The following LRIG3 variants were observed in gnomAD, a reference collection of about 807,000 sequenced individuals.
The protein encoded by LRIG3 is leucine-rich repeats and immunoglobulin-like domains protein 3.
In LRIG3, 76 loss-of-function variants were observed where a neutral mutation model predicts 114.5. That is an observed-to-expected ratio of 0.66 (90% confidence interval 0.55 to 0.80). The LOEUF is 0.80. LRIG3 is among the 30% of genes least tolerant of loss of function. The probability of loss-of-function intolerance (pLI) is 0.00; values close to 1 mark genes in which losing one functional copy is unlikely to be tolerated. For synonymous variants in LRIG3, 512 were observed against 519.8 expected (o/e 0.98, Z 0.20); for missense variants, 1,239 against 1,382.8 (o/e 0.90, Z 1.65).
intron 1 of LRIG3, 109 bp downstream of exon 1, chr12:58,919,891 G>T: frequency 8.9e-7 from 1 of 1,123,008 alleles, no homozygotes; most frequent in Non-Finnish European, 1.3e-6. Context: ...GCCAGAAGGA[G>T]CTATACGGCA....
Position 58,879,040 on chromosome 12 carries a change from C to A in LRIG3, c.1867G>T (p.Glu623Ter). ...GCTGGGTGCCCCACAGCAGCACACTCCAAGCGTGCCATGGCCCCAGCTCGG... is the reference window on the plus strand; with the variant it reads ...GCTGGGTGCCCCACAGCAGCACACTACAAGCGTGCCATGGCCCCAGCTCGG... The part of the protein sequence containing the change: ...TIRAGAMARL[E>*]CAAVGHPAPQ... The change falls in exon 14 of 19, where the codon GAG (glutamate) becomes TAG (stop). Residue 623 changes from glutamate to a stop codon, truncating the protein, a stop_gained. Transcript: ENST00000320743. LOFTEE classifies it high-confidence loss of function. 6.2e-7 allele frequency: 1 copy of A among 1,614,148 alleles called. No individual in the cohort carries two copies. Among genetic ancestry groups the A allele is most frequent in the Non-Finnish European group, 8.5e-7 (1 of 1,180,006 alleles).
intron 3 of LRIG3, among the ~76,000 whole-genome samples, chr12:58,899,663 C>T (rs940881253): frequency 1.3e-5 from 2 of 151,966 alleles, no homozygotes; most frequent in South Asian, 2.1e-4. Flanking sequence ...ATTCTCATTT[C>T]TCATTTGTTT....
At chr12:58,883,413 A>T in intron 11 of LRIG3, 107 bp downstream of exon 11, 1 of 671,492 alleles carries the variant, frequency 1.5e-6, no homozygotes, top group Non-Finnish European at 2.4e-6. Flanking sequence ...AAGTAATGTT[A>T]AGAATGTGCC....
chr12:58,873,366 C>T (rs557144918), intron 18 of LRIG3, among the ~76,000 whole-genome samples: 19 of 152,194 alleles, frequency 1.2e-4, no homozygotes, highest in South Asian at 2.1e-4. Flanking sequence ...CATAACATTT[C>T]GTAGAAGTTG....
chr12:58,875,002 C>G, intron 16 of LRIG3, among the ~76,000 whole-genome samples: 1 of 152,322 alleles, frequency 6.6e-6, no homozygotes. Context: ...CAGAAATATA[C>G]GCCATTTACT....
At chr12:58,876,142 A>T (rs1450828597) in intron 16 of LRIG3, among the ~76,000 whole-genome samples, 1 of 152,258 alleles carries the variant, frequency 6.6e-6, no homozygotes, top group Non-Finnish European at 1.5e-5. Flanking sequence ...GTAACCAGTT[A>T]ATATCATTTA....
At chr12:58,903,162 G>C (rs1185335619) in intron 3 of LRIG3, among the ~76,000 whole-genome samples, 2 of 152,160 alleles carry the variant, frequency 1.3e-5, no homozygotes, top group Non-Finnish European at 2.9e-5. Context: ...TTCCACTAGA[G>C]TTGAACTAGT....
chr12:58,872,658 G>T lies in LRIG3; in HGVS notation c.3274C>A (p.Gln1092Lys). 1 of 1,614,084 alleles carries T rather than the reference G, an allele frequency of 6.2e-7. No homozygotes were observed. The highest frequency in any genetic ancestry group is 8.5e-7 in the Non-Finnish European group (1 of 1,179,968). ...EEDGKERTDF[Q>K]EENHICTFKQ... is the part of the protein sequence containing the mutation. ...AAGGTACAAATGTGATTTTCTTCCT[G>T]AAAATCTGTCCTTTCTTTCCCATCT... Residue 1092 changes from glutamine (Q) to lysine (K), a missense_variant, in exon 19 of 19, where the codon CAG becomes AAG. By Grantham distance (53) the Gln-to-Lys change is moderately conservative. Coordinates refer to ENST00000320743, the MANE Select transcript of LRIG3 (RefSeq NM_153377.5).
At chr12:58,875,130 A>G (rs1870872516) in intron 16 of LRIG3, among the ~76,000 whole-genome samples, 1 of 152,194 alleles carries the variant, frequency 6.6e-6, no homozygotes, top group Admixed American at 6.5e-5. Context: ...GAGAAAAGCA[A>G]ATATGCAGAA....
rs549066311 is a variant in LRIG3, at chr12:58,920,288, G to A, written c.-53C>T. On this transcript the variant is annotated 5_prime_UTR_variant, in exon 1 of 19. Coordinates refer to ENST00000320743, the MANE Select transcript of LRIG3 (RefSeq NM_153377.5). ...CGAAGCTCCCAGCCGGCGCGCGCTC[G>A]GGGCCCGGCACAAACTTCCAGCCGA... 6 of 1,276,144 alleles carry A rather than the reference G, an allele frequency of 4.7e-6. No individual in the cohort carries two copies. Among genetic ancestry groups the A allele is most frequent in the Non-Finnish European group, 6.0e-6 (6 of 1,004,536 alleles). The allele number at this position is 1,276,144 out of a possible 1,614,324, so 79.1% of individuals were successfully genotyped here. A position where few individuals can be genotyped will look rare whatever the true frequency, so the allele number is the denominator to read the frequency against.
intron 18 of LRIG3, 137 bp from the exon 19 acceptor site, chr12:58,872,953 C>A: frequency 8.7e-7 from 1 of 1,146,702 alleles, no homozygotes; most frequent in South Asian, 1.6e-5. Context: ...ATGGCACTCA[C>A]ATACATGTAC....
chr12:58,878,144 A>C (rs1870992858), intron 14 of LRIG3, among the ~76,000 whole-genome samples: 2 of 152,104 alleles, frequency 1.3e-5, no homozygotes, highest in Admixed American at 1.3e-4. Context: ...GGGAAACAAA[A>C]GCTTTTTAAA....
intron 3 of LRIG3, among the ~76,000 whole-genome samples, chr12:58,911,266 C>G (rs528033131): frequency 6.6e-6 from 1 of 152,148 alleles, no homozygotes; most frequent in African/African-American, 2.4e-5. Context: ...TCTGGACATG[C>G]GGTACCCTTT....
rs770712659 is a variant in LRIG3, at chr12:58,874,589, C to A, written c.2696-16G>T. 3.1e-6 allele frequency: 5 copies of A among 1,613,070 alleles called. No individual in the cohort carries two copies. Among genetic ancestry groups the A allele is most frequent in the Non-Finnish European group, 4.2e-6 (5 of 1,179,618 alleles). On this transcript the variant is annotated splice_polypyrimidine_tract_variant and intron_variant, in intron 16 of 18. Coordinates refer to ENST00000320743, the MANE Select transcript of LRIG3 (RefSeq NM_153377.5). ...TGGCAGGTCCCTTTGAAACAAAAAT[C>A]TTAGTCAATGATCCAATTATTCAAG...
chr12:58,908,467 C>T (rs567524225), intron 3 of LRIG3, among the ~76,000 whole-genome samples: 1 of 152,328 alleles, frequency 6.6e-6, no homozygotes, highest in East Asian at 1.9e-4. Context: ...CTGAGATATT[C>T]ATGCTTAGAA....
intron 7 of LRIG3, 139 bp downstream of exon 7, chr12:58,888,190 T>A: frequency 9.4e-7 from 1 of 1,062,580 alleles, no homozygotes; most frequent in East Asian, 2.6e-5. Flanking sequence ...ACAACAAAAA[T>A]AAGACTAGGT....
chr12:58,880,961 C>T (rs573595042), intron 12 of LRIG3, 60 bp from the exon 13 acceptor site: 2 of 1,498,520 alleles, frequency 1.3e-6, no homozygotes, highest in South Asian at 1.3e-5. Flanking sequence ...CCAAATACTA[C>T]TCAAATTTGA....
At chr12:58,912,369 G>A (rs1464555104) in intron 3 of LRIG3, among the ~76,000 whole-genome samples, 3 of 152,208 alleles carry the variant, frequency 2.0e-5, no homozygotes, top group Middle Eastern at 3.4e-3. Context: ...AGTGGCGGAC[G>A]CCTGTAGTCC....
At chr12:58,873,421 C>T (rs1234115522) in intron 18 of LRIG3, 1 of 152,844 alleles carries the variant, frequency 6.5e-6, no homozygotes, top group African/African-American at 2.4e-5. Flanking sequence ...TTATTGTCAA[C>T]ATGGCAAGTT....
Sources: gnomAD v4.1 joint callset for allele counts (sites outside exome capture counted in the v4.1 genomes callset) on GRCh38, gnomAD v4.1.1 for gene constraint, MANE v1.5 for transcripts, NCBI Gene and HGNC (gene_info 2026-07-23, HGNC 2026-07-21) for gene names.